Variants in MTUS2 observed in about 807,000 individuals in gnomAD.
MTUS2 encodes microtubule-associated tumor suppressor candidate 2.
A neutral mutation model predicts 114.1 loss-of-function variants in MTUS2; 40 were observed. The ratio of observed to expected loss-of-function variants is 0.35; its 90% confidence interval spans 0.27 to 0.46. The LOEUF (loss-of-function observed/expected upper bound fraction) is 0.46, where lower values mean the gene tolerates loss of function less well. MTUS2 is among the 20% of genes least tolerant of loss of function. The pLI is 1.00. For synonymous variants in MTUS2, 688 were observed against 672.0 expected (o/e 1.02, Z -0.37); for missense variants, 1,679 against 1,705.4 (o/e 0.98, Z 0.27).
At chr13:29,328,995 C>T (rs1445191133) in intron 7 of MTUS2, among the ~76,000 whole-genome samples, 1 of 151,984 alleles carries the variant, frequency 6.6e-6, no homozygotes, top group South Asian at 2.1e-4. Flanking sequence ...TCCCCCAGGC[C>T]CTTAGATAGG....
intron 2 of MTUS2, among the ~76,000 whole-genome samples, chr13:28,868,813 C>T (rs1877453705): frequency 6.6e-6 from 1 of 152,150 alleles, no homozygotes; most frequent in Admixed American, 6.6e-5. Context: ...TATAAGGTCC[C>T]TATCTGCCAT....
Position 29,505,694 on chromosome 13 carries a change from A to C in MTUS2, c.*2488A>C. ...CAGCCTCTGCACCTGCCTCAGACAG[A>C]CCCACCAGATACCACCTGTCTCTTC... On this transcript the variant is annotated 3_prime_UTR_variant, in exon 16 of 16. Transcript: ENST00000612955. The C allele has an allele frequency of 4.3e-6, 1 of 230,002 alleles. No individual in the cohort carries two copies. Among genetic ancestry groups the C allele is most frequent in the Non-Finnish European group, 8.6e-6 (1 of 116,074 alleles). The allele number at this position is 230,002 out of a possible 1,614,324, so 14.2% of individuals were successfully genotyped here.
intron 8 of MTUS2, among the ~76,000 whole-genome samples, chr13:29,379,902 T>C (rs1262317815): frequency 6.6e-6 from 1 of 152,204 alleles, no homozygotes; most frequent in Non-Finnish European, 1.5e-5. Flanking sequence ...ACTTTTGAAG[T>C]TATGAAGTTC....
intron 5 of MTUS2, among the ~76,000 whole-genome samples, chr13:29,256,497 G>C (rs983350196): frequency 6.6e-6 from 1 of 152,242 alleles, no homozygotes; most frequent in Admixed American, 6.5e-5. Context: ...AAAGCACCAC[G>C]GAGGGACAAG....
At chr13:29,244,580 T>G (rs987362950) in intron 5 of MTUS2, among the ~76,000 whole-genome samples, 2 of 152,110 alleles carry the variant, frequency 1.3e-5, no homozygotes, top group Middle Eastern at 3.2e-3. Flanking sequence ...GGTTGGCGCA[T>G]GCTATTGGAA....
At chr13:29,246,908 AAAC>A (rs1896947255) in intron 5 of MTUS2, among the ~76,000 whole-genome samples, 1 of 152,116 alleles carries the variant, frequency 6.6e-6, no homozygotes, top group African/African-American at 2.4e-5. Flanking sequence ...AAAAAAAAAA[AAAC>A]AATTCAAAAA....
chr13:28,952,148 C>T (rs970274502), intron 2 of MTUS2, among the ~76,000 whole-genome samples: 1 of 152,098 alleles, frequency 6.6e-6, no homozygotes, highest in Non-Finnish European at 1.5e-5. Context: ...CTTTTAGTTA[C>T]GGAAGTAATA....
intron 2 of MTUS2, among the ~76,000 whole-genome samples, chr13:28,861,253 T>C (rs1876961406): frequency 6.6e-6 from 1 of 152,192 alleles, no homozygotes; most frequent in African/African-American, 2.4e-5. Flanking sequence ...TAATTGTCCA[T>C]TTAACAATGA....
At chr13:29,498,685 CAGGAATCCAGGAGCTCTCATA>C in intron 14 of MTUS2, 148 bp downstream of exon 14, 1 of 1,097,584 alleles carries the variant, frequency 9.1e-7, no homozygotes, top group Non-Finnish European at 1.3e-6. Flanking sequence ...TGGCCTTTCC[CAGGAATCCAGGAGCTCTCATA>C]AGGAATCTTG....
intron 5 of MTUS2, among the ~76,000 whole-genome samples, chr13:29,208,298 G>A (rs1185699250): frequency 4.0e-5 from 6 of 151,868 alleles, no homozygotes; most frequent in South Asian, 4.1e-4. Context: ...GTTTCTAATC[G>A]AGTTTATTTG....
rs71090255 is a variant in MTUS2, at chr13:29,448,753, CTTTTTTT to C, written c.3184+8718_3184+8724del. Among the ~76,000 whole-genome samples the C allele has an allele frequency of 1.1e-3, 128 of 115,576 alleles. 7 individuals are homozygous for C. In the South Asian group the frequency reaches 0.034, roughly 31 times the overall value. The allele number at this position is 115,576 out of a possible 152,430, so 75.8% of individuals were successfully genotyped here. On this transcript the variant is annotated intron_variant, in intron 9 of 15. Transcript: ENST00000612955. ...AAATACAGTTGAAAAACAGAGTGCT[CTTTTTTT>C]TTTTTTTTTTTTTAAGATGGAGTCT...
intron 5 of MTUS2, among the ~76,000 whole-genome samples, chr13:29,223,227 C>T (rs1895977077): frequency 6.6e-6 from 1 of 152,136 alleles, no homozygotes; most frequent in African/African-American, 2.4e-5. Flanking sequence ...CTGTCCATGG[C>T]CACCCATGGA....
chr13:29,224,680 A>G (rs764143850), intron 5 of MTUS2, among the ~76,000 whole-genome samples: 2 of 152,210 alleles, frequency 1.3e-5, no homozygotes, highest in Admixed American at 6.5e-5. Context: ...CTTTTGTGAT[A>G]AATTCATGTA....
rs1491065294 is a variant in MTUS2 at position 29,390,758 on chromosome 13, GAT to G, written c.3117+31286_3117+31287del. On this transcript the variant is annotated intron_variant, in intron 8 of 15. Coordinates refer to ENST00000612955, the MANE Select transcript of MTUS2 (RefSeq NM_001033602.4). ...ACTGCAGATAGTCCCACCAAATGGTGATGATGATGATGATGATGATGATGATG... is the reference window on the plus strand; with the variant it reads ...ACTGCAGATAGTCCCACCAAATGGTGGATGATGATGATGATGATGATGATG... Among the ~76,000 whole-genome samples, 4 of 94,178 alleles carry G rather than the reference GAT, an allele frequency of 4.2e-5. No individual in the cohort carries two copies. The East Asian group carries it at 1.2e-3, about 27-fold the overall frequency. The allele number at this position is 94,178 out of a possible 152,430, so 61.8% of individuals were successfully genotyped here.
chr13:29,127,198 C>T (rs75071981), intron 5 of MTUS2, among the ~76,000 whole-genome samples: 2,965 of 152,274 alleles, frequency 0.019, 106 homozygotes, highest in African/African-American at 0.067. Flanking sequence ...TGCCCCCTCC[C>T]CCTGCCCAAG....
intron 5 of MTUS2, among the ~76,000 whole-genome samples, chr13:29,119,848 A>G (rs899796889): frequency 6.6e-6 from 1 of 152,220 alleles, no homozygotes. Flanking sequence ...CTAGAAATCA[A>G]GTTTAATCAG....
At chr13:29,028,798 A>T (rs1474888153) in intron 3 of MTUS2, among the ~76,000 whole-genome samples, 1 of 152,126 alleles carries the variant, frequency 6.6e-6, no homozygotes, top group East Asian at 1.9e-4. Context: ...TGTTCCCAGA[A>T]TTTAGAATGG....
intron 5 of MTUS2, among the ~76,000 whole-genome samples, chr13:29,144,029 T>C (rs1046148023): frequency 1.3e-5 from 2 of 152,216 alleles, no homozygotes; most frequent in African/African-American, 4.8e-5. Flanking sequence ...ACACTGACCA[T>C]CTGTGTGTCA....
In MTUS2 at chr13:29,423,406, C is replaced by T. The variant is rs151013158; in HGVS notation, c.3118-16577C>T. 8.1e-3 allele frequency among the ~76,000 whole-genome samples: 1,234 copies of T among 152,212 alleles called. 15 individuals carry two copies. Among genetic ancestry groups the T allele is most frequent in the South Asian group, 0.032 (153 of 4,814 alleles). ...CTCCTAGCAAGGATAGATGACTGCA[C>T]AACTGGAGGAGGAAATACATAAGAT... On this transcript the variant is annotated intron_variant, in intron 8 of 15. Transcript: ENST00000612955.
Sources: gnomAD v4.1 joint callset for allele counts (sites outside exome capture counted in the v4.1 genomes callset) on GRCh38, gnomAD v4.1.1 for gene constraint, MANE v1.5 for transcripts, NCBI Gene and HGNC (gene_info 2026-07-23, HGNC 2026-07-21) for gene names.